Variants in MYT1L observed in about 807,000 individuals in gnomAD.
MYT1L encodes the protein myelin transcription factor 1-like protein.
MYT1L carries 12 observed loss-of-function variants against 126.7 expected under a neutral mutation model. The observed-to-expected ratio is 0.09, with a 90% confidence interval of 0.06 to 0.15. The LOEUF is 0.15. Ranked by LOEUF, MYT1L falls within the 10% of genes least tolerant of loss-of-function variation. MYT1L has a pLI of 1.00. For missense variants in MYT1L, 979 were observed against 1,585.2 expected (o/e 0.62, Z 6.49); for synonymous variants, 541 against 604.2 (o/e 0.90, Z 1.53).
intron 3 of MYT1L, among the ~76,000 whole-genome samples, chr2:2,150,303 T>C (rs769230193): frequency 1.3e-5 from 2 of 152,306 alleles, no homozygotes; most frequent in Non-Finnish European, 2.9e-5. Flanking sequence ...AATAACACCA[T>C]GTCTTCACAT....
chr2:2,062,398 C>T (rs1362238228), intron 3 of MYT1L, among the ~76,000 whole-genome samples: 5 of 152,146 alleles, frequency 3.3e-5, no homozygotes, highest in Non-Finnish European at 5.9e-5. Flanking sequence ...CTCAGGGAGC[C>T]GTCCGTGTCC....
rs1256746679 is a variant in MYT1L at position 2,059,453 on chromosome 2, G to C, written c.-303-5330C>G. The stretch of plus-strand genomic sequence containing the variant: ...CACCCAATGGTCTCACTTTCCGTTT[G>C]TGTTGATGAGCAGAGCCCCCTGGAA... On this transcript the variant is annotated intron_variant, in intron 3 of 24. Coordinates refer to ENST00000647738, the MANE Select transcript of MYT1L (RefSeq NM_001303052.2). The surrounding 1 kb of genome is among the most constrained non-coding windows in gnomAD (Gnocchi z 4.7). Among the ~76,000 whole-genome samples, 1 of 152,178 alleles carries C rather than the reference G, an allele frequency of 6.6e-6. No homozygotes were observed. The highest frequency in any genetic ancestry group is 1.5e-5 in the Non-Finnish European group (1 of 68,034).
At chr2:2,004,003 ATGCCTTCTTTCCTGCATGCC>A (rs1558694332) in intron 4 of MYT1L, among the ~76,000 whole-genome samples, 6 of 135,964 alleles carry the variant, frequency 4.4e-5, no homozygotes, top group Non-Finnish European at 1.0e-4. Context: ...TCTTTCCTGC[ATGCCTTCTTTCCTGCATGCC>A]TTCTTTCCTG....
At chr2:2,137,960 C>T (rs1158561518) in intron 3 of MYT1L, among the ~76,000 whole-genome samples, 2 of 152,014 alleles carry the variant, frequency 1.3e-5, no homozygotes, top group Non-Finnish European at 2.9e-5. Context: ...GGCTAATATC[C>T]AGAATCTACA....
intron 3 of MYT1L, among the ~76,000 whole-genome samples, chr2:2,112,866 C>T (rs901677078): frequency 3.3e-5 from 5 of 152,210 alleles, no homozygotes; most frequent in South Asian, 2.1e-4. Flanking sequence ...TCCCGCGAGT[C>T]GCACAGTGGT....
chr2:1,818,338 A>C (rs2038006276), intron 21 of MYT1L, among the ~76,000 whole-genome samples: 1 of 152,204 alleles, frequency 6.6e-6, no homozygotes, highest in South Asian at 2.1e-4. Context: ...TCTGCGATTC[A>C]GTATCCTCTG....
At chr2:2,234,822 T>A (rs916851214) in intron 2 of MYT1L, among the ~76,000 whole-genome samples, 4 of 152,184 alleles carry the variant, frequency 2.6e-5, no homozygotes, top group Non-Finnish European at 5.9e-5. Flanking sequence ...AGGCTATTAT[T>A]TAAACAGGCT....
At chr2:1,827,222 C>G (rs1028588935) in intron 21 of MYT1L, 5 of 152,310 alleles carry the variant, frequency 3.3e-5, no homozygotes, top group Non-Finnish European at 7.3e-5. Flanking sequence ...TGGGGCACGG[C>G]AGGGTTCAGC....
intron 18 of MYT1L, among the ~76,000 whole-genome samples, chr2:1,880,631 T>C (rs895503322): frequency 1.1e-4 from 17 of 152,222 alleles, no homozygotes; most frequent in African/African-American, 3.9e-4. Context: ...ACACAGTTGT[T>C]GTCAGTGGTA....
At chr2:1,957,806 A>G (rs996332256) in intron 8 of MYT1L, among the ~76,000 whole-genome samples, 3 of 151,992 alleles carry the variant, frequency 2.0e-5, no homozygotes, top group Non-Finnish European at 2.9e-5. Context: ...GTCTCCAGGG[A>G]GCACCAGAGA....
intron 1 of MYT1L, among the ~76,000 whole-genome samples, chr2:2,294,651 C>T (rs2149481597): frequency 6.6e-6 from 1 of 152,274 alleles, no homozygotes. Context: ...GCTTCACTTT[C>T]TGCCTGTTCT....
chr2:1,985,658 T>C (rs2060957391), intron 5 of MYT1L, among the ~76,000 whole-genome samples: 1 of 152,250 alleles, frequency 6.6e-6, no homozygotes, highest in Non-Finnish European at 1.5e-5. Context: ...ATGGCATAGT[T>C]TGAATGCTTA....
intron 3 of MYT1L, among the ~76,000 whole-genome samples, chr2:2,109,002 A>G (rs2079064996): frequency 6.6e-6 from 1 of 152,134 alleles, no homozygotes; most frequent in African/African-American, 2.4e-5. Flanking sequence ...CTCCCTGTCT[A>G]TACCCCAGCC....
In MYT1L at chr2:1,943,958, A is replaced by G. The variant is rs2056941900; in HGVS notation, c.153-624T>C. ...CAGAACTTCCTCAGTCTTAGATGTT[A>G]TTAGTCCCACGCCAGCATTCCAGAA... is the stretch of plus-strand genomic sequence containing the variant. On this transcript the variant is annotated intron_variant, in intron 8 of 24. Transcript: ENST00000647738. The surrounding 1 kb of genome is among the most constrained non-coding windows in gnomAD (Gnocchi z 4.4). Among the ~76,000 whole-genome samples the G allele has an allele frequency of 6.6e-6, 1 of 152,178 alleles. No individual in the cohort carries two copies. Among genetic ancestry groups the G allele is most frequent in the Admixed American group, 6.5e-5 (1 of 15,280 alleles).
chr2:2,000,115 C>T (rs1157845062), intron 4 of MYT1L, among the ~76,000 whole-genome samples: 1 of 152,198 alleles, frequency 6.6e-6, no homozygotes, highest in Non-Finnish European at 1.5e-5. Context: ...GAACAAAGTA[C>T]TGCACAAAAC....
chr2:2,286,751 A>G (rs1254126407), intron 1 of MYT1L, among the ~76,000 whole-genome samples: 1 of 152,136 alleles, frequency 6.6e-6, no homozygotes, highest in Non-Finnish European at 1.5e-5. Context: ...TACCTAAAGC[A>G]CCAGGCATTG....
rs537201509 is a variant in MYT1L at position 2,072,396 on chromosome 2, T to C, written c.-303-18273A>G. On this transcript the variant is annotated intron_variant, in intron 3 of 24. Transcript: ENST00000647738. ...TCTACTAGAAAGTTTCACAGCTGCC[T>C]CAAAGGTTCCATGTTAAGACCTGAG... 6.6e-5 allele frequency among the ~76,000 whole-genome samples: 10 copies of C among 152,318 alleles called. No individual in the cohort carries two copies. The South Asian group carries it at 1.9e-3, about 28-fold the overall frequency.
At chr2:2,268,698 C>G (rs767598030) in intron 2 of MYT1L, among the ~76,000 whole-genome samples, 1 of 152,166 alleles carries the variant, frequency 6.6e-6, no homozygotes, top group Non-Finnish European at 1.5e-5. Context: ...ACAAGCTGCT[C>G]TCACTGGTGT....
At chr2:1,964,892 G>A (rs545258933) in intron 8 of MYT1L, among the ~76,000 whole-genome samples, 8 of 152,250 alleles carry the variant, frequency 5.3e-5, no homozygotes, top group Admixed American at 4.6e-4. Context: ...TTGGGGTCAC[G>A]GGCAAGGAAG....
Sources: gnomAD v4.1 joint callset for allele counts (sites outside exome capture counted in the v4.1 genomes callset) on GRCh38, gnomAD v4.1.1 for gene constraint, Gnocchi (gnomAD v3.1) non-coding constraint, MANE v1.5 for transcripts, NCBI Gene and HGNC (gene_info 2026-07-23, HGNC 2026-07-21) for gene names.